The following ACVR1C variants were observed in gnomAD, a reference collection of about 807,000 sequenced individuals.
ACVR1C encodes activin receptor type-1C.
A neutral mutation model predicts 57.9 loss-of-function variants in ACVR1C; 23 were observed. That is an observed-to-expected ratio of 0.40 (90% CI 0.29 to 0.56). The LOEUF is 0.56. ACVR1C is among the 20% of genes least tolerant of loss of function. The pLI is 0.50. For missense variants in ACVR1C, 480 were observed against 607.9 expected (o/e 0.79, Z 2.21); for synonymous variants, 214 against 215.3 (o/e 0.99, Z 0.05).
At chr2:157,599,526 GC>G (rs1682233860) in intron 1 of ACVR1C, among the ~76,000 whole-genome samples, 1 of 151,942 alleles carries the variant, frequency 6.6e-6, no homozygotes, top group Non-Finnish European at 1.5e-5. Context: ...ACTTGGCAAT[GC>G]CTCCATCAGT....
rs549775817 is a variant in ACVR1C at position 157,613,992 on chromosome 2, CT to C, written c.73+14579del. Among the ~76,000 whole-genome samples, 148 of 152,112 alleles carry C rather than the reference CT, an allele frequency of 9.7e-4. 2 individuals carry two copies. The highest frequency in any genetic ancestry group is 4.4e-3 in the East Asian group (23 of 5,186). On this transcript the variant is annotated intron_variant, in intron 1 of 8. Coordinates refer to ENST00000243349, the MANE Select transcript of ACVR1C (RefSeq NM_145259.3). ...CAGTGAAGTAATGTGAAATTAGAGA[CT>C]TTTTTGTTAGATGTTTTCAAGCTTT...
At chr2:157,613,992 C>G (rs1306660841) in intron 1 of ACVR1C, among the ~76,000 whole-genome samples, 1 of 151,994 alleles carries the variant, frequency 6.6e-6, no homozygotes, top group Non-Finnish European at 1.5e-5. Context: ...AAATTAGAGA[C>G]TTTTTTGTTA....
intron 4 of ACVR1C, among the ~76,000 whole-genome samples, chr2:157,548,475 A>G (rs1397043111): frequency 7.9e-5 from 12 of 151,702 alleles, no homozygotes; most frequent in African/African-American, 2.9e-4. Context: ...CGCCAAGTCA[A>G]TCCTAAGCCA....
chr2:157,608,102 A>G (rs1166191354), intron 1 of ACVR1C, among the ~76,000 whole-genome samples: 1 of 151,766 alleles, frequency 6.6e-6, no homozygotes, highest in African/African-American at 2.4e-5. Context: ...CCCATTTAGT[A>G]TGATGTTAGA....
Position 157,533,842 on chromosome 2 carries a change from T to A in ACVR1C, c.*76A>T, listed in dbSNP as rs757498287. On this transcript the variant is annotated 3_prime_UTR_variant, in exon 9 of 9. Transcript: ENST00000243349. ...TCTTTGAGGTAGAACAAAAAAAAAA[T>A]GGCAAAAACATTCACATAAAGGGGA... is the stretch of plus-strand genomic sequence containing the variant. The A allele has an allele frequency of 6.4e-4, 891 of 1,386,684 alleles. 1 individual carries two copies. Among genetic ancestry groups the A allele is most frequent in the Non-Finnish European group, 8.0e-4 (843 of 1,056,612 alleles). 85.9% of individuals were successfully genotyped at this position (1,386,684 alleles called of 1,614,324 possible). A position where few individuals can be genotyped will look rare whatever the true frequency, so the allele number is the denominator to read the frequency against.
intron 2 of ACVR1C, among the ~76,000 whole-genome samples, chr2:157,572,712 CAAG>C (rs1005300020): frequency 6.6e-6 from 1 of 152,090 alleles, no homozygotes; most frequent in Non-Finnish European, 1.5e-5. Context: ...TTTCTGGAGA[CAAG>C]AAATGCCTCC....
intron 7 of ACVR1C, among the ~76,000 whole-genome samples, chr2:157,540,714 C>T (rs981264520): frequency 2.6e-5 from 4 of 152,168 alleles, no homozygotes; most frequent in African/African-American, 9.7e-5. Flanking sequence ...AAGAAAAAAA[C>T]AAGAAAAGCT....
chr2:157,544,958 T>C (rs1687715776), intron 4 of ACVR1C, among the ~76,000 whole-genome samples: 2 of 152,160 alleles, frequency 1.3e-5, no homozygotes, highest in Admixed American at 1.3e-4. Flanking sequence ...TTAGGCTCAG[T>C]GTGTGTTATA....
intron 2 of ACVR1C, among the ~76,000 whole-genome samples, chr2:157,572,776 A>T (rs994297677): frequency 1.3e-5 from 2 of 152,152 alleles, no homozygotes; most frequent in Non-Finnish European, 2.9e-5. Flanking sequence ...TATATTTCAG[A>T]GCACTTTCCA....
chr2:157,593,936 A>G (rs762479875), intron 1 of ACVR1C, among the ~76,000 whole-genome samples: 2 of 152,200 alleles, frequency 1.3e-5, no homozygotes, highest in Non-Finnish European at 2.9e-5. Context: ...AAAAATTCAG[A>G]ACTCCACAAA....
At chr2:157,601,449 T>C (rs1682279161) in intron 1 of ACVR1C, among the ~76,000 whole-genome samples, 1 of 152,062 alleles carries the variant, frequency 6.6e-6, no homozygotes, top group Admixed American at 6.6e-5. Flanking sequence ...CAAATATATT[T>C]CAAGACATAA....
intron 1 of ACVR1C, among the ~76,000 whole-genome samples, chr2:157,615,333 A>C (rs922190119): frequency 4.0e-5 from 6 of 150,142 alleles, no homozygotes; most frequent in East Asian, 3.9e-4. Context: ...AAAAAAAAAA[A>C]CACAAAAAGT....
chr2:157,592,537 C>T (rs1292163264), intron 1 of ACVR1C, among the ~76,000 whole-genome samples: 1 of 152,046 alleles, frequency 6.6e-6, no homozygotes, highest in Admixed American at 6.6e-5. Flanking sequence ...CCATTTATTC[C>T]AGTTCAACTG....
intron 1 of ACVR1C, among the ~76,000 whole-genome samples, chr2:157,627,297 T>A (rs1345700113): frequency 6.6e-6 from 1 of 152,198 alleles, no homozygotes; most frequent in Non-Finnish European, 1.5e-5. Context: ...GACTTTCCCA[T>A]AGTTGGTTTT....
intron 2 of ACVR1C, among the ~76,000 whole-genome samples, chr2:157,576,403 A>C (rs1181286579): frequency 2.0e-5 from 3 of 151,798 alleles, no homozygotes; most frequent in African/African-American, 7.3e-5. Context: ...ACAGGATTTC[A>C]CCATGTTGGC....
intron 3 of ACVR1C, among the ~76,000 whole-genome samples, chr2:157,554,262 AGAAAGAAAGGAAG>A: frequency 7.1e-6 from 1 of 141,012 alleles, no homozygotes; most frequent in Non-Finnish European, 1.5e-5. Flanking sequence ...AAAGAAAGAA[AGAAAGAAAGGAAG>A]GAAGGAAGAG....
At chr2:157,566,632 C>T (rs907770796) in intron 2 of ACVR1C, among the ~76,000 whole-genome samples, 6 of 151,896 alleles carry the variant, frequency 4.0e-5, no homozygotes, top group East Asian at 1.9e-4. Flanking sequence ...CACTCCCACC[C>T]GAATATTGCG....
chr2:157,566,720 A>G (rs1388933015), intron 2 of ACVR1C, among the ~76,000 whole-genome samples: 1 of 151,570 alleles, frequency 6.6e-6, no homozygotes, highest in African/African-American at 2.4e-5. Flanking sequence ...ACGCCCAGGG[A>G]GTCTCGCTGA....
At chr2:157,553,508 T>C (rs1290544387) in intron 3 of ACVR1C, among the ~76,000 whole-genome samples, 1 of 152,146 alleles carries the variant, frequency 6.6e-6, no homozygotes, top group East Asian at 1.9e-4. Flanking sequence ...AAATGTAACA[T>C]TAATTTTTGA....
Sources: allele counts gnomAD v4.1 joint callset (sites outside exome capture counted in the v4.1 genomes callset), GRCh38; gene constraint gnomAD v4.1.1; transcripts MANE v1.5; gene names NCBI Gene and HGNC (gene_info 2026-07-23, HGNC 2026-07-21).